TENM2: variants seen among roughly 807,000 people sequenced by gnomAD.
TENM2 encodes teneurin transmembrane protein 2.
In TENM2, 52 loss-of-function variants were observed where a neutral mutation model predicts 245.2. That is an observed-to-expected ratio of 0.21 (90% CI 0.17 to 0.27). TENM2 has a LOEUF of 0.27. Ranked by LOEUF, TENM2 falls within the 10% of genes least tolerant of loss-of-function variation. The pLI is 1.00. For synonymous variants in TENM2, 1,363 were observed against 1,438.9 expected (o/e 0.95, Z 1.19); for missense variants, 3,046 against 3,666.8 (o/e 0.83, Z 4.37).
chr5:168,243,605 A>T (rs911592546), intron 25 of TENM2, among the ~76,000 whole-genome samples: 3 of 152,214 alleles, frequency 2.0e-5, no homozygotes, highest in Admixed American at 1.3e-4. Context: ...CCTGTTCTTA[A>T]AGATCATTAG....
intron 2 of TENM2, among the ~76,000 whole-genome samples, chr5:167,459,711 G>A (rs542641117): frequency 3.9e-5 from 6 of 151,904 alleles, no homozygotes; most frequent in Admixed American, 1.3e-4. Context: ...CTTTAAAGTA[G>A]CCATCCCAAT....
rs7720122 is a variant in TENM2 at position 167,349,932 on chromosome 5, C to T, written c.227-25266C>T. Among the ~76,000 whole-genome samples, 1,020 of 152,132 alleles carry T rather than the reference C, an allele frequency of 6.7e-3. 3 individuals carry two copies. The highest frequency in any genetic ancestry group is 0.011 in the Non-Finnish European group (717 of 68,004). ...TATTGGTCAGCAAGTTATTTATGTC[C>T]AGCTGAATATTTAGGAATACTTGAA... On this transcript the variant is annotated intron_variant, in intron 1 of 28. Coordinates refer to ENST00000518659, the Ensembl canonical transcript of TENM2.
At chr5:167,141,609 A>G in the TENM2 span, among the ~76,000 whole-genome samples, 1 of 152,150 alleles carries the variant, frequency 6.6e-6, no homozygotes, top group Non-Finnish European at 1.5e-5. Context: ...CCAGTGACAG[A>G]CTTCCCTCAT....
At chr5:167,933,485 A>T (rs933766387) in intron 3 of TENM2, among the ~76,000 whole-genome samples, 1 of 152,202 alleles carries the variant, frequency 6.6e-6, no homozygotes, top group African/African-American at 2.4e-5. Flanking sequence ...TCAGTCATCA[A>T]TTAAATGTTG....
chr5:167,577,988 TC>T (rs1251560620), intron 2 of TENM2, among the ~76,000 whole-genome samples: 1 of 152,034 alleles, frequency 6.6e-6, no homozygotes, highest in Non-Finnish European at 1.5e-5. Flanking sequence ...CACAAAATAA[TC>T]CCCATCAGCA....
chr5:167,938,181 A>C (rs1467588441), intron 3 of TENM2: 3 of 152,250 alleles, frequency 2.0e-5, no homozygotes, highest in Non-Finnish European at 4.4e-5. Flanking sequence ...CTCCATAGGT[A>C]ATAATTAACA....
chr5:167,456,926 C>T (rs754951661), intron 2 of TENM2, among the ~76,000 whole-genome samples: 7 of 152,176 alleles, frequency 4.6e-5, no homozygotes, highest in Non-Finnish European at 8.8e-5. Flanking sequence ...TTAGGCTGCT[C>T]TCTGGGAGAA....
intron 14 of TENM2, 136 bp from the exon 17 acceptor site, chr5:168,195,040 T>C (rs892094921): frequency 1.9e-6 from 2 of 1,040,604 alleles, no homozygotes; most frequent in Admixed American, 4.6e-5. Flanking sequence ...AGCGTGATTG[T>C]GCAAAGCCAG....
chr5:167,701,176 A>G (rs557082815), intron 2 of TENM2, among the ~76,000 whole-genome samples: 1 of 152,244 alleles, frequency 6.6e-6, no homozygotes, highest in African/African-American at 2.4e-5. Flanking sequence ...GGAAAATGTA[A>G]TTTTTGTATT....
the TENM2 span, among the ~76,000 whole-genome samples, chr5:167,196,061 G>A: frequency 5.3e-5 from 8 of 151,930 alleles, no homozygotes; most frequent in African/African-American, 1.7e-4. Flanking sequence ...AGCAAGCATC[G>A]CAGAATGTGC....
intron 2 of TENM2, among the ~76,000 whole-genome samples, chr5:167,789,692 TTTG>T (rs1217161702): frequency 6.6e-6 from 1 of 152,224 alleles, no homozygotes; most frequent in Non-Finnish European, 1.5e-5. Flanking sequence ...TGTGCTTTCA[TTTG>T]TTTATTTTCA....
chr5:167,952,073 T>C (rs1780156570), intron 3 of TENM2, among the ~76,000 whole-genome samples: 1 of 152,208 alleles, frequency 6.6e-6, no homozygotes, highest in South Asian at 2.1e-4. Context: ...CCTAGTCTCT[T>C]CACCTCAACT....
rs1758385916 is a variant in TENM2, at chr5:167,704,666, G to T, written c.503-171320G>T. 4.6e-5 allele frequency among the ~76,000 whole-genome samples: 7 copies of T among 152,212 alleles called. No homozygotes were observed. The South Asian group carries it at 1.2e-3, about 27-fold the overall frequency. ...AAAAAGAAGGCTTTGAATAAGAACT[G>T]CACAGAGTGACTTTGAGTTGCAGTA... On this transcript the variant is annotated intron_variant, in intron 2 of 28. Coordinates refer to ENST00000518659, the Ensembl canonical transcript of TENM2.
chr5:167,523,240 T>A (rs995650453), intron 2 of TENM2, among the ~76,000 whole-genome samples: 3 of 152,106 alleles, frequency 2.0e-5, no homozygotes, highest in African/African-American at 7.2e-5. Context: ...GATTTGCAGG[T>A]TCCAGGGATT....
At chr5:167,843,670 C>T (rs75850659) in intron 2 of TENM2, among the ~76,000 whole-genome samples, 1,765 of 152,246 alleles carry the variant, frequency 0.012, 107 homozygotes, top group Admixed American at 0.088. Context: ...GGTTTGAAAA[C>T]AAAACCTGTG....
At position 167,636,665 on chromosome 5, in the gene TENM2, G is replaced by A. The variant is rs183716565; in HGVS notation, c.503-239321G>A. Among the ~76,000 whole-genome samples, 295 of 152,336 alleles carry A rather than the reference G, an allele frequency of 1.9e-3. 1 individual carries two copies. The highest frequency in any genetic ancestry group is 6.8e-3 in the African/African-American group (284 of 41,580). On this transcript the variant is annotated intron_variant, in intron 2 of 28. Transcript: ENST00000518659. Reference sequence around the variant, plus strand: ...AATGCTTATTTTGCACCACAGTCATGTATGTCAGCTGTAGACTCATGCATA... The same window carrying A: ...AATGCTTATTTTGCACCACAGTCATATATGTCAGCTGTAGACTCATGCATA...
chr5:167,136,273 T>G, the TENM2 span, among the ~76,000 whole-genome samples: 2 of 152,188 alleles, frequency 1.3e-5, no homozygotes, highest in Non-Finnish European at 2.9e-5. Flanking sequence ...GCTGAATGAA[T>G]CAACAAATTG....
intron 2 of TENM2, among the ~76,000 whole-genome samples, chr5:167,858,769 C>T (rs1771332676): frequency 1.3e-5 from 2 of 150,670 alleles, no homozygotes; most frequent in East Asian, 2.0e-4. Context: ...TGGAGTTCAG[C>T]GGGCAGCGGA....
At chr5:168,043,423 A>G (rs1299823476) in intron 5 of TENM2, among the ~76,000 whole-genome samples, 1 of 152,120 alleles carries the variant, frequency 6.6e-6, no homozygotes. Context: ...AGTAAATTAA[A>G]ATTGGAGGTA....
Sources: allele counts gnomAD v4.1 joint callset (sites outside exome capture counted in the v4.1 genomes callset), GRCh38; gene constraint gnomAD v4.1.1; transcripts MANE v1.5; gene names NCBI Gene and HGNC (gene_info 2026-07-23, HGNC 2026-07-21).